Variants in PTPRG observed in about 807,000 individuals in gnomAD.
The protein encoded by PTPRG is protein tyrosine phosphatase receptor type G, also known as receptor-type tyrosine-protein phosphatase gamma.
A neutral mutation model predicts 165.3 loss-of-function variants in PTPRG; 102 were observed. The ratio of observed to expected loss-of-function variants is 0.62; its 90% CI spans 0.53 to 0.73. The LOEUF is 0.73. PTPRG is among the 30% of genes least tolerant of loss of function. PTPRG has a pLI of 0.00. For synonymous variants in PTPRG, 675 were observed against 669.5 expected (o/e 1.01, Z -0.13); for missense variants, 1,866 against 1,861.4 (o/e 1.00, Z -0.05).
chr3:62,168,292 G>T, intron 8 of PTPRG, 129 bp downstream of exon 8: 1 of 886,292 alleles, frequency 1.1e-6, no homozygotes, highest in African/African-American at 1.7e-5. Flanking sequence ...CTGCTAAAGG[G>T]AGCCTGTCTG....
rs375736857 is a variant in PTPRG, at chr3:62,191,497, G to C, written c.1062G>C (p.Lys354Asn). 3.1e-6 allele frequency: 5 copies of C among 1,613,954 alleles called. No individual in the cohort carries two copies. In the South Asian group the frequency reaches 3.3e-5, roughly 11 times the overall value. The change falls in exon 9 of 30, where the codon AAG becomes AAC. Residue 354 changes from lysine to asparagine, a missense_variant. Transcript: ENST00000474889. ...KVCSSPPIHM[K>N]VQPLNQTALQ... ...GCAGCTCTCCACCCATCCACATGAA[G>C]GTGCAGCCTCTGAACCAGACGGCAC...
intron 1 of PTPRG, among the ~76,000 whole-genome samples, chr3:61,611,756 G>A (rs1575536851): frequency 6.6e-6 from 1 of 152,052 alleles, no homozygotes; most frequent in Non-Finnish European, 1.5e-5. Flanking sequence ...ATCAATGAAT[G>A]GGTATGGTAG....
intron 4 of PTPRG, among the ~76,000 whole-genome samples, chr3:62,039,637 T>C (rs902169098): frequency 6.6e-6 from 1 of 152,220 alleles, no homozygotes; most frequent in Non-Finnish European, 1.5e-5. Flanking sequence ...TCCCGAGAAG[T>C]TAATTTCATA....
chr3:61,682,167 A>AAAAAG (rs61686807), intron 1 of PTPRG, among the ~76,000 whole-genome samples: 19 of 151,084 alleles, frequency 1.3e-4, no homozygotes, highest in Non-Finnish European at 2.4e-4. Flanking sequence ...AAAAAAAAAA[A>AAAAAG]GTGAACTGGT....
At chr3:61,861,134 T>C (rs990696276) in intron 2 of PTPRG, among the ~76,000 whole-genome samples, 3 of 152,212 alleles carry the variant, frequency 2.0e-5, no homozygotes, top group Non-Finnish European at 4.4e-5. Flanking sequence ...ATATCAATCA[T>C]TGGTTTCTTT....
chr3:62,077,291 AC>A (rs1290614125), intron 4 of PTPRG, among the ~76,000 whole-genome samples: 4,111 of 151,694 alleles, frequency 0.027, 165 homozygotes, highest in African/African-American at 0.095. Context: ...AAAAAAAAAA[AC>A]AAACCATAAT....
chr3:62,003,586 A>C (rs562030857), intron 4 of PTPRG, 89 bp downstream of exon 4: 2 of 1,531,396 alleles, frequency 1.3e-6, no homozygotes, highest in East Asian at 4.5e-5. Flanking sequence ...TCATTTTGCA[A>C]ATCACAGCTG....
intron 2 of PTPRG, among the ~76,000 whole-genome samples, chr3:61,874,564 T>C (rs2107453512): frequency 6.6e-6 from 1 of 152,220 alleles, no homozygotes; most frequent in Non-Finnish European, 1.5e-5. Flanking sequence ...TTTAAATTCG[T>C]AGAAATTGAT....
chr3:61,933,104 G>T (rs1447359436), intron 2 of PTPRG, among the ~76,000 whole-genome samples: 1 of 152,134 alleles, frequency 6.6e-6, no homozygotes, highest in African/African-American at 2.4e-5. Flanking sequence ...ATGTCTGTTG[G>T]AGTTCCTCAG....
chr3:61,883,747 T>A (rs2037953137), intron 2 of PTPRG, among the ~76,000 whole-genome samples: 1 of 152,184 alleles, frequency 6.6e-6, no homozygotes, highest in Non-Finnish European at 1.5e-5. Flanking sequence ...TCTCACTCTG[T>A]CACCCAGGCT....
In PTPRG at chr3:62,065,133, A is replaced by G. The variant is rs949717793; in HGVS notation, c.520-13030A>G. Among the ~76,000 whole-genome samples the G allele has an allele frequency of 2.0e-5, 3 of 152,196 alleles. No individual in the cohort carries two copies. The East Asian group carries it at 5.8e-4, about 29-fold the overall frequency. On this transcript the variant is annotated intron_variant, in intron 4 of 29. Transcript: ENST00000474889. ...TTACGAATGGTATAGGAAAATTGGT[A>G]TTCTCCTGCACTGTTGATTAGAGTA... is the stretch of plus-strand genomic sequence containing the variant.
At chr3:61,809,291 A>G (rs998392122) in intron 2 of PTPRG, among the ~76,000 whole-genome samples, 21 of 152,140 alleles carry the variant, frequency 1.4e-4, no homozygotes, top group Admixed American at 8.5e-4. Flanking sequence ...AGGAAGGATT[A>G]AAAGAAGAAA....
chr3:61,726,987 C>A (rs556862441), intron 1 of PTPRG, among the ~76,000 whole-genome samples: 1 of 149,694 alleles, frequency 6.7e-6, no homozygotes, highest in Admixed American at 6.7e-5. Context: ...GCGGAGCTTG[C>A]AGTGAGCCGA....
intron 3 of PTPRG, among the ~76,000 whole-genome samples, chr3:61,992,820 C>T (rs1174383794): frequency 6.6e-6 from 1 of 152,186 alleles, no homozygotes; most frequent in African/African-American, 2.4e-5. Context: ...CCGTGCCCGG[C>T]CATGCCCGGC....
intron 3 of PTPRG, among the ~76,000 whole-genome samples, chr3:62,001,808 C>G (rs73089496): frequency 0.11 from 16,205 of 152,008 alleles, 1,052 homozygotes; most frequent in Middle Eastern, 0.24. Context: ...ATAGCCTCAC[C>G]CATTCATTTA....
chr3:62,113,452 A>G (rs1375581539), intron 5 of PTPRG, among the ~76,000 whole-genome samples: 2 of 152,234 alleles, frequency 1.3e-5, no homozygotes, highest in Admixed American at 6.5e-5. Flanking sequence ...TCTGATACAA[A>G]TGTGCCGAAT....
Position 61,672,526 on chromosome 3 carries a change from C to T in PTPRG, c.86-76352C>T, listed in dbSNP as rs1346408275. On this transcript the variant is annotated intron_variant, in intron 1 of 29. Transcript: ENST00000474889. The stretch of plus-strand genomic sequence containing the variant: ...CGCGGTTAGGAGCTGGAGACCAGCC[C>T]GGCCAACACAGCGAAACCCCGTCTC... 8.7e-5 allele frequency among the ~76,000 whole-genome samples: 13 copies of T among 149,124 alleles called. No homozygotes were observed. The South Asian group carries it at 8.8e-4, about 10-fold the overall frequency.
Position 62,252,854 on chromosome 3 carries a change from T to C in PTPRG, c.2468-2270T>C, listed in dbSNP as rs1559709454. On this transcript the variant is annotated intron_variant, in intron 15 of 29. Coordinates refer to ENST00000474889, the MANE Select transcript of PTPRG (RefSeq NM_002841.4). The surrounding 1 kb of genome is among the most constrained non-coding windows in gnomAD (Gnocchi z 4.6). ...GGTCAGTACAGCATGCATCTGTATG[T>C]ATGTCCGCCTGTCTGGTACTTTTGT... Among the ~76,000 whole-genome samples the C allele has an allele frequency of 6.6e-6, 1 of 152,236 alleles. No homozygotes were observed. The highest frequency in any genetic ancestry group is 1.5e-5 in the Non-Finnish European group (1 of 68,036).
chr3:61,668,297 A>G (rs145867042), intron 1 of PTPRG, among the ~76,000 whole-genome samples: 222 of 152,300 alleles, frequency 1.5e-3, no homozygotes, highest in Middle Eastern at 6.8e-3. Flanking sequence ...GAAATCATTT[A>G]CAGGACACCC....
Sources: allele counts gnomAD v4.1 joint callset (sites outside exome capture counted in the v4.1 genomes callset), GRCh38; gene constraint gnomAD v4.1.1; non-coding constraint Gnocchi (gnomAD v3.1); transcripts MANE v1.5; gene names NCBI Gene and HGNC (gene_info 2026-07-23, HGNC 2026-07-21).